Variants in SKAP1 observed in about 807,000 individuals in gnomAD.
SKAP1 encodes src kinase-associated phosphoprotein 1.
SKAP1 carries 44 observed loss-of-function variants against 58.5 expected under a neutral mutation model. That is an observed-to-expected ratio of 0.75 (90% confidence interval 0.59 to 0.97). The LOEUF (loss-of-function observed/expected upper bound fraction) is 0.97. Ranked by LOEUF, SKAP1 falls within the 50% of genes least tolerant of loss-of-function variation. The probability of loss-of-function intolerance (pLI) is 0.00; values close to 1 mark genes in which losing one functional copy is unlikely to be tolerated. For synonymous variants in SKAP1, 127 were observed against 149.7 expected (o/e 0.85, Z 1.11); for missense variants, 390 against 435.2 (o/e 0.90, Z 0.92).
intron 9 of SKAP1, among the ~76,000 whole-genome samples, chr17:48,175,029 T>C (rs980871933): frequency 6.6e-6 from 1 of 152,100 alleles, no homozygotes; most frequent in Non-Finnish European, 1.5e-5. Flanking sequence ...TCGATTTCAA[T>C]AAACATTCTT....
At chr17:48,295,728 T>G (rs2144101310) in intron 4 of SKAP1, 1 of 152,094 alleles carries the variant, frequency 6.6e-6, no homozygotes, top group African/African-American at 2.4e-5. Context: ...ATCTAGCTTC[T>G]TTTCATACGT....
intron 1 of SKAP1, among the ~76,000 whole-genome samples, chr17:48,406,561 A>AATTT (rs147731753): frequency 0.087 from 12,813 of 146,468 alleles, 882 homozygotes; most frequent in African/African-American, 0.16. Context: ...ATGTCTCCCT[A>AATTT]ATTTATTTAT....
Position 48,162,452 on chromosome 17 carries a change from A to G in SKAP1, c.978+17T>C. 1 of 1,583,434 alleles carries G rather than the reference A, an allele frequency of 6.3e-7. No homozygotes were observed. The highest frequency in any genetic ancestry group is 2.2e-5 in the East Asian group (1 of 44,616). Reference sequence around the variant, plus strand: ...AAAATTGACTTTCTATTTAAGCCCCACACTTTCTGTCCTTACCTTGCTCAG... The same window carrying G: ...AAAATTGACTTTCTATTTAAGCCCCGCACTTTCTGTCCTTACCTTGCTCAG... On this transcript the variant is annotated intron_variant, in intron 11 of 12. Transcript: ENST00000336915.
At chr17:48,280,285 C>T (rs1438864822) in intron 4 of SKAP1, among the ~76,000 whole-genome samples, 1 of 152,042 alleles carries the variant, frequency 6.6e-6, no homozygotes, top group Non-Finnish European at 1.5e-5. Flanking sequence ...CATGGTACAA[C>T]ATGGTGAAAC....
intron 4 of SKAP1, among the ~76,000 whole-genome samples, chr17:48,256,478 A>G (rs2065425028): frequency 6.6e-6 from 1 of 152,142 alleles, no homozygotes; most frequent in Non-Finnish European, 1.5e-5. Flanking sequence ...CGAAGAGCAA[A>G]TGTTCCTTTT....
chr17:48,178,802 C>T (rs2064326918), intron 9 of SKAP1, among the ~76,000 whole-genome samples: 1 of 152,102 alleles, frequency 6.6e-6, no homozygotes, highest in African/African-American at 2.4e-5. Context: ...AATGGCTCGA[C>T]CTCAACCAAG....
At chr17:48,318,666 G>A (rs1490965259) in intron 4 of SKAP1, among the ~76,000 whole-genome samples, 2 of 152,200 alleles carry the variant, frequency 1.3e-5, no homozygotes, top group African/African-American at 4.8e-5. Flanking sequence ...AGGAGTTCAA[G>A]ACCAGCCTGG....
chr17:48,390,603 A>T (rs1174949361), intron 2 of SKAP1, among the ~76,000 whole-genome samples: 1 of 152,220 alleles, frequency 6.6e-6, no homozygotes, highest in Non-Finnish European at 1.5e-5. Context: ...TATACAGTTA[A>T]AGAGTACGGC....
Position 48,372,218 on chromosome 17 carries a change from C to T in SKAP1, c.153-8404G>A, listed in dbSNP as rs1177097666. On this transcript the variant is annotated intron_variant, in intron 2 of 12. Transcript: ENST00000336915. ...AGCTCCTTGCCTCAAGTGATTTACC[C>T]ACCTCAGCCTCCCAAAGTGCTGGGA... Among the ~76,000 whole-genome samples the T allele has an allele frequency of 2.6e-5, 4 of 152,312 alleles. No individual in the cohort carries two copies. The South Asian group carries it at 8.3e-4, about 32-fold the overall frequency.
At chr17:48,360,984 T>C (rs775346773) in intron 3 of SKAP1, among the ~76,000 whole-genome samples, 2 of 151,996 alleles carry the variant, frequency 1.3e-5, no homozygotes, top group Non-Finnish European at 2.9e-5. Context: ...CTGGAGATAA[T>C]GGGCTCTAGA....
intron 4 of SKAP1, among the ~76,000 whole-genome samples, chr17:48,242,962 C>T (rs1184662982): frequency 1.3e-5 from 2 of 152,138 alleles, no homozygotes; most frequent in African/African-American, 2.4e-5. Flanking sequence ...AATCAAGAAT[C>T]AACTCTTGGC....
At chr17:48,383,282 G>C (rs911633707) in intron 2 of SKAP1, among the ~76,000 whole-genome samples, 10 of 152,102 alleles carry the variant, frequency 6.6e-5, no homozygotes, top group African/African-American at 2.2e-4. Flanking sequence ...AAATACAAAT[G>C]TTTTACTAAA....
intron 2 of SKAP1, among the ~76,000 whole-genome samples, chr17:48,381,093 AC>A (rs1426976654): frequency 2.0e-5 from 3 of 152,170 alleles, no homozygotes; most frequent in Non-Finnish European, 2.9e-5. Context: ...AACATAGGCA[AC>A]CTTTGACATT....
At chr17:48,435,856 G>A in the SKAP1 span, among the ~76,000 whole-genome samples, 2 of 152,190 alleles carry the variant, frequency 1.3e-5, no homozygotes, top group Non-Finnish European at 2.9e-5. Flanking sequence ...CTGACACTAA[G>A]ATGAGTGGAT....
intron 3 of SKAP1, among the ~76,000 whole-genome samples, chr17:48,350,986 A>G (rs1221369541): frequency 6.6e-6 from 1 of 152,194 alleles, no homozygotes; most frequent in African/African-American, 2.4e-5. Flanking sequence ...GCTTGATAGC[A>G]TTAATATTGC....
intron 11 of SKAP1, among the ~76,000 whole-genome samples, chr17:48,141,373 G>GGTTTTTGTTTTTGTTTTT (rs3049680): frequency 3.4e-5 from 5 of 148,644 alleles, no homozygotes; most frequent in African/African-American, 1.2e-4. Flanking sequence ...CTTGTTAACT[G>GGTTTTTGTTTTTGTTTTT]GTTTTTGTTT....
intron 4 of SKAP1, among the ~76,000 whole-genome samples, chr17:48,200,014 G>T (rs1169385005): frequency 2.0e-5 from 3 of 152,224 alleles, no homozygotes; most frequent in East Asian, 3.9e-4. Flanking sequence ...AGGAAGGCTG[G>T]CGCGGTGGCT....
chr17:48,293,667 A>T (rs189174202), intron 4 of SKAP1, among the ~76,000 whole-genome samples: 10 of 152,356 alleles, frequency 6.6e-5, no homozygotes, highest in Admixed American at 6.5e-4. Flanking sequence ...GATAGCATCT[A>T]TAATACTATT....
At chr17:48,138,616 C>T (rs546501790) in intron 11 of SKAP1, among the ~76,000 whole-genome samples, 54 of 152,102 alleles carry the variant, frequency 3.6e-4, no homozygotes, top group African/African-American at 1.2e-3. Context: ...ATGATCCACC[C>T]GCCTCAGCCT....
Sources: gnomAD v4.1 joint callset for allele counts (sites outside exome capture counted in the v4.1 genomes callset) on GRCh38, gnomAD v4.1.1 for gene constraint, MANE v1.5 for transcripts, NCBI Gene and HGNC (gene_info 2026-07-23, HGNC 2026-07-21) for gene names.